The following ITGAE variants were observed in gnomAD, a reference collection of about 807,000 sequenced individuals.
ITGAE encodes the protein integrin subunit alpha E.
ITGAE carries 99 observed loss-of-function variants against 136.5 expected under a neutral mutation model. The observed-to-expected ratio is 0.73, with a 90% CI of 0.62 to 0.86. ITGAE has a LOEUF of 0.86. ITGAE is among the 40% of genes least tolerant of loss of function. The pLI is 0.00. For synonymous variants in ITGAE, 613 were observed against 591.8 expected (o/e 1.04, Z -0.52); for missense variants, 1,447 against 1,515.3 (o/e 0.95, Z 0.75).
At chr17:3,769,210 C>A (rs1442297192) in intron 2 of ITGAE, among the ~76,000 whole-genome samples, 1 of 152,134 alleles carries the variant, frequency 6.6e-6, no homozygotes, top group African/African-American at 2.4e-5. Flanking sequence ...CGGACTGTTT[C>A]CTCTGCCTGC....
intron 19 of ITGAE, among the ~76,000 whole-genome samples, chr17:3,742,287 C>CT (rs1287513517): frequency 2.6e-5 from 4 of 152,002 alleles, no homozygotes; most frequent in East Asian, 1.9e-4. Flanking sequence ...GGACCAGAAC[C>CT]TTTTTTTTCT....
intron 26 of ITGAE, chr17:3,723,951 C>T (rs1406432526): frequency 6.4e-7 from 1 of 1,562,076 alleles, no homozygotes; most frequent in Non-Finnish European, 8.7e-7. Flanking sequence ...GGCTTCGCTC[C>T]CGGGACCTGG....
At chr17:3,789,991 G>C (rs1346890215) in intron 1 of ITGAE, among the ~76,000 whole-genome samples, 1 of 152,114 alleles carries the variant, frequency 6.6e-6, no homozygotes, top group Non-Finnish European at 1.5e-5. Flanking sequence ...ATGAGAGTCT[G>C]ATAGACTAAC....
Position 3,761,917 on chromosome 17 carries a change from A to G in ITGAE, c.313T>C (p.Leu105=), listed in dbSNP as rs1468590342. The G allele has an allele frequency of 9.3e-6, 15 of 1,613,698 alleles. No individual in the cohort carries two copies. Residue 105 remains leucine (L), a splice_region_variant and synonymous_variant, in exon 4 of 31, where the codon TTG becomes CTG. Transcript: ENST00000263087. Reference sequence around the variant, plus strand: ...CCTCCTCTCGCTCCTGCACTCACCAAAACACCGTGGTGGCTCCGGACAACG... The same window carrying G: ...CCTCCTCTCGCTCCTGCACTCACCAGAACACCGTGGTGGCTCCGGACAACG... The part of the protein sequence containing the change: ...VTVVRSHHGV[L]ICIQVLVRRP...
rs563862384 is a variant in ITGAE, at chr17:3,785,586, T to C, written c.35-7926A>G. Among the ~76,000 whole-genome samples, 28 of 151,318 alleles carry C rather than the reference T, an allele frequency of 1.9e-4. No individual in the cohort carries two copies. The East Asian group carries it at 5.5e-3, about 30-fold the overall frequency. ...TAGAAAAATCTGAACCTCGTGAAAA[T>C]TAAGCAATGCATTTCTAAATAACCC... is the stretch of plus-strand genomic sequence containing the variant. On this transcript the variant is annotated intron_variant, in intron 1 of 30. Coordinates refer to ENST00000263087, the MANE Select transcript of ITGAE (RefSeq NM_002208.5).
At chr17:3,797,438 T>G (rs2053146709) in intron 1 of ITGAE, among the ~76,000 whole-genome samples, 1 of 149,220 alleles carries the variant, frequency 6.7e-6, no homozygotes, top group Non-Finnish European at 1.5e-5. Context: ...GTGCTGGGAT[T>G]ACAGGCTTGA....
At chr17:3,737,590 T>C (rs2051487570) in intron 20 of ITGAE, among the ~76,000 whole-genome samples, 1 of 152,110 alleles carries the variant, frequency 6.6e-6, no homozygotes, top group Non-Finnish European at 1.5e-5. Flanking sequence ...GATGCTGACA[T>C]GTCAGCTGGA....
chr17:3,743,196 C>A (rs2051627219), intron 19 of ITGAE, among the ~76,000 whole-genome samples: 1 of 152,224 alleles, frequency 6.6e-6, no homozygotes. Context: ...CCCCAGGATG[C>A]AATGTATGCA....
rs144299201 is a variant in ITGAE at position 3,743,313 on chromosome 17, G to A, written c.2448+176C>T. On this transcript the variant is annotated intron_variant, in intron 19 of 30. Transcript: ENST00000263087. ...GCGTTACCCATGAGTCCTCACTCAC[G>A]GGGACACATTAACACCATCTCAGGG... Among the ~76,000 whole-genome samples, 684 of 152,318 alleles carry A rather than the reference G, an allele frequency of 4.5e-3. 7 individuals are homozygous for A. The highest frequency in any genetic ancestry group is 0.015 in the African/African-American group (644 of 41,560).
chr17:3,755,247 G>A lies in ITGAE; in HGVS notation c.1254C>T (p.Leu418=). The change falls in exon 12 of 31, where the codon CTC becomes CTT. Residue 418 remains leucine (L), a synonymous_variant. Coordinates refer to ENST00000263087, the MANE Select transcript of ITGAE (RefSeq NM_002208.5). ...AQILDERQVL[L]GAVGAFDWSG... ...ACCAGTCAAAGGCCCCGACGGCGCC[G>A]AGCAGCACCTGCCGCTGAAGGGGAC... 2 of 1,575,680 alleles carry A rather than the reference G, an allele frequency of 1.3e-6. No homozygotes were observed. The highest frequency in any genetic ancestry group is 8.6e-7 in the Non-Finnish European group (1 of 1,167,386).
chr17:3,776,353 C>T (rs896921995), intron 2 of ITGAE, among the ~76,000 whole-genome samples: 1 of 151,362 alleles, frequency 6.6e-6, no homozygotes, highest in East Asian at 2.0e-4. Context: ...CCACCGCGCC[C>T]GGCAGAACCT....
intron 1 of ITGAE, among the ~76,000 whole-genome samples, chr17:3,792,342 G>C (rs983463253): frequency 3.3e-5 from 5 of 152,058 alleles, no homozygotes; most frequent in African/African-American, 1.2e-4. Flanking sequence ...GGCTGGTATT[G>C]AACTCCTCAG....
At chr17:3,724,116 G>T in intron 26 of ITGAE, 1 of 1,593,812 alleles carries the variant, frequency 6.3e-7, no homozygotes. Flanking sequence ...CTCGCAGTCC[G>T]ACGATCCTGA....
chr17:3,715,436 GTC>G (rs747396473), intron 30 of ITGAE, among the ~76,000 whole-genome samples: 63 of 152,318 alleles, frequency 4.1e-4, no homozygotes, highest in Middle Eastern at 3.4e-3. Context: ...GGACTCAGGA[GTC>G]TCTAGACCGC....
intron 18 of ITGAE, among the ~76,000 whole-genome samples, chr17:3,744,060 G>A (rs1335707366): frequency 6.6e-6 from 1 of 150,950 alleles, no homozygotes; most frequent in African/African-American, 2.4e-5. Context: ...ACCCAGTCTG[G>A]AGGGCAGCAG....
chr17:3,730,632 T>C (rs2051320417), intron 23 of ITGAE: 2 of 183,550 alleles, frequency 1.1e-5, no homozygotes, highest in East Asian at 1.4e-4. Flanking sequence ...CTCTGCGTGA[T>C]GTTTGGCAGT....
Position 3,726,398 on chromosome 17 carries a change from A to T in ITGAE, c.3084+1521T>A, listed in dbSNP as rs1001898592. The stretch of plus-strand genomic sequence containing the variant: ...TCTTGAAGCCTCTGGTGCTGTTTCA[A>T]CCTCCATCCCCACAGGAGGGTGGAA... On this transcript the variant is annotated intron_variant, in intron 26 of 30. Transcript: ENST00000263087. The T allele has an allele frequency of 1.1e-4, 127 of 1,128,590 alleles. No individual in the cohort carries two copies. In the African/African-American group the frequency reaches 1.9e-3, roughly 17 times the overall value. 69.9% of individuals were successfully genotyped at this position (1,128,590 alleles called of 1,614,324 possible).
At chr17:3,750,590 A>G (rs1487387155) in intron 15 of ITGAE, 108 bp from the exon 16 acceptor site, 17 of 1,334,364 alleles carry the variant, frequency 1.3e-5, no homozygotes, top group Non-Finnish European at 1.5e-5. Context: ...ATCCAGCCCC[A>G]GGGAGCCCCG....
Position 3,759,383 on chromosome 17 carries a change from C to T in ITGAE, c.866+19G>A, listed in dbSNP as rs1454705792. ...ACTCTGGGCATGGCCAGAATAATTC[C>T]TGCAGCCCCCACACTCACAAGACGT... On this transcript the variant is annotated intron_variant, in intron 8 of 30. Coordinates refer to ENST00000263087, the MANE Select transcript of ITGAE (RefSeq NM_002208.5). 1.9e-6 allele frequency: 3 copies of T among 1,608,590 alleles called. No individual in the cohort carries two copies. Among genetic ancestry groups the T allele is most frequent in the African/African-American group, 1.3e-5 (1 of 74,922 alleles).
Sources: allele counts gnomAD v4.1 joint callset (sites outside exome capture counted in the v4.1 genomes callset), GRCh38; gene constraint gnomAD v4.1.1; transcripts MANE v1.5; gene names NCBI Gene and HGNC (gene_info 2026-07-23, HGNC 2026-07-21).